Variants in CELF2 observed in about 807,000 individuals in gnomAD.
The protein encoded by CELF2 is CUGBP Elav-like family member 2.
CELF2 carries 8 observed loss-of-function variants against 62.6 expected under a neutral mutation model. That is an observed-to-expected ratio of 0.13 (90% CI 0.07 to 0.23). The LOEUF is 0.23. Among genes scored for constraint, CELF2 ranks in the 10% least tolerant of loss-of-function variants. The pLI is 1.00. For synonymous variants in CELF2, 258 were observed against 250.0 expected, an observed-to-expected ratio of 1.03 and a Z score of -0.30; for missense variants, 333 against 671.0, an observed-to-expected ratio of 0.50 and a Z score of 5.56.
In CELF2 at chr10:11,270,727, G is replaced by A. The variant is rs370615928; in HGVS notation, c.680G>A (p.Arg227His). ...ACTCAGAAGGACAAAGAGCAAAGGC[G>A]CCTCCAGCAGCAGCTCGCTCAGCAG... ...ADTQKDKEQR[R>H]LQQQLAQQMQ... The change falls in exon 7 of 13, where the codon CGC becomes CAC. Residue 227 changes from arginine (R) to histidine (H), a missense_variant. Arg to His is a conservative substitution (Grantham distance 29). This residue lies in a region of CELF2 where 253 missense variants were observed against 503.0 expected (regional missense o/e 0.50). Coordinates refer to ENST00000633077, the MANE Select transcript of CELF2 (RefSeq NM_001326342.2). The surrounding 1 kb of genome is among the most constrained non-coding windows in gnomAD (Gnocchi z 5.8). The A allele has an allele frequency of 6.4e-6, 10 of 1,563,810 alleles. No homozygotes were observed. Among genetic ancestry groups the A allele is most frequent in the Admixed American group, 1.8e-5 (1 of 55,394 alleles).
intron 2 of CELF2, among the ~76,000 whole-genome samples, chr10:10,977,910 T>C (rs1280439874): frequency 6.6e-6 from 1 of 152,316 alleles, no homozygotes; most frequent in South Asian, 2.1e-4. Flanking sequence ...ATAAACATAA[T>C]ATGCACAAGA....
At chr10:10,688,533 T>C in the CELF2 span, among the ~76,000 whole-genome samples, 2 of 152,246 alleles carry the variant, frequency 1.3e-5, no homozygotes, top group African/African-American at 2.4e-5. Context: ...AGCTGATGCA[T>C]GTCCAGTACA....
the CELF2 span, among the ~76,000 whole-genome samples, chr10:10,619,864 G>A: frequency 6.6e-6 from 1 of 152,260 alleles, no homozygotes; most frequent in Admixed American, 6.5e-5. Context: ...GAAGAAGGGG[G>A]TTTTGGCTTG....
rs1219476974 is a variant in CELF2 at position 11,334,504 on chromosome 10, T to TG, written c.*5455dup. 6.5e-6 allele frequency: 1 copy of TG among 152,678 alleles called. No homozygotes were observed. The highest frequency in any genetic ancestry group is 2.4e-5 in the African/African-American group (1 of 41,472). 9.5% of individuals were successfully genotyped at this position (152,678 alleles called of 1,614,324 possible). ...ATTCCACTTAAGTGAATATCTGATT[T>TG]GGGGAAGAGGAAACTGCACAGCAGC... On this transcript the variant is annotated 3_prime_UTR_variant, in exon 13 of 13. Transcript: ENST00000633077.
chr10:11,134,322 G>GT (rs1405517050), intron 1 of CELF2, among the ~76,000 whole-genome samples: 2 of 152,232 alleles, frequency 1.3e-5, no homozygotes, highest in African/African-American at 4.8e-5. Context: ...TTTGGATTCT[G>GT]TAGTTGCGCA....
chr10:10,655,013 C>T, the CELF2 span, among the ~76,000 whole-genome samples: 1 of 146,986 alleles, frequency 6.8e-6, no homozygotes, highest in Non-Finnish European at 1.5e-5. Flanking sequence ...TAAGCAACTT[C>T]AGCAAAGTCT....
At chr10:11,229,941 A>T (rs1050005296) in intron 3 of CELF2, among the ~76,000 whole-genome samples, 2 of 152,100 alleles carry the variant, frequency 1.3e-5, no homozygotes, top group African/African-American at 2.4e-5. Context: ...AAGTTTTAGA[A>T]CTTCTGTTAA....
At chr10:10,657,817 A>G in the CELF2 span, among the ~76,000 whole-genome samples, 1 of 152,188 alleles carries the variant, frequency 6.6e-6, no homozygotes, top group Non-Finnish European at 1.5e-5. Flanking sequence ...TCATTATAAT[A>G]TGCTTTATGT....
chr10:10,720,497 C>A, the CELF2 span, among the ~76,000 whole-genome samples: 1 of 152,172 alleles, frequency 6.6e-6, no homozygotes, highest in African/African-American at 2.4e-5. Flanking sequence ...ACTCATTTCT[C>A]CACCTTTATC....
At position 11,260,244 on chromosome 10, in the gene CELF2, G is replaced by A. The variant is rs2080088192; in HGVS notation, c.538+2372G>A. On this transcript the variant is annotated intron_variant, in intron 5 of 12. Transcript: ENST00000633077. This position sits in a 1 kb window ranked among gnomAD's most constrained non-coding sequence, Gnocchi z 4.2. ...TCGTCTGAGCATACCCTCTGCATGT[G>A]TTAGCGGAGAGACCCCGGGCGGGCA... is the stretch of plus-strand genomic sequence containing the variant. Among the ~76,000 whole-genome samples, 2 of 152,188 alleles carry A rather than the reference G, an allele frequency of 1.3e-5. No homozygotes were observed. Among genetic ancestry groups the A allele is most frequent in the Admixed American group, 1.3e-4 (2 of 15,284 alleles).
At chr10:10,597,982 C>T in the CELF2 span, among the ~76,000 whole-genome samples, 7,171 of 152,186 alleles carry the variant, frequency 0.047, 563 homozygotes, top group African/African-American at 0.16. Flanking sequence ...AGTCTAAGGA[C>T]ACTACCTCTT....
the CELF2 span, among the ~76,000 whole-genome samples, chr10:10,648,090 TGAAAGTATACGATTTTATCC>T: frequency 1.6e-4 from 24 of 152,296 alleles, no homozygotes; most frequent in South Asian, 1.4e-3. Context: ...TCAGGATATA[TGAAAGTATACGATTTTATCC>T]ACTGCCCACC....
the CELF2 span, among the ~76,000 whole-genome samples, chr10:10,778,228 A>G: frequency 4.6e-5 from 7 of 152,206 alleles, no homozygotes; most frequent in African/African-American, 1.7e-4. Flanking sequence ...CGCAGATTCA[A>G]TGACCCAAGA....
At chr10:10,712,930 A>C in the CELF2 span, among the ~76,000 whole-genome samples, 1 of 152,200 alleles carries the variant, frequency 6.6e-6, no homozygotes, top group Non-Finnish European at 1.5e-5. Flanking sequence ...AAAGCTTGAA[A>C]TCCTCTGCTC....
In CELF2 at chr10:11,269,928, G is replaced by A. The variant is rs750728210; in HGVS notation, c.619-738G>A. ...GGAAAGAAGCCAAGTGGACTCCTCC[G>A]TCTGCTGTTCACGGTCTATCTTCTT... On this transcript the variant is annotated intron_variant, in intron 6 of 12. Coordinates refer to ENST00000633077, the MANE Select transcript of CELF2 (RefSeq NM_001326342.2). The surrounding 1 kb of genome is among the most constrained non-coding windows in gnomAD (Gnocchi z 4.4). Among the ~76,000 whole-genome samples the A allele has an allele frequency of 3.9e-5, 6 of 152,194 alleles. No individual in the cohort carries two copies. The highest frequency in any genetic ancestry group is 1.9e-4 in the East Asian group (1 of 5,196).
At chr10:10,867,244 G>A (rs1389833007) in intron 1 of CELF2, among the ~76,000 whole-genome samples, 1 of 152,186 alleles carries the variant, frequency 6.6e-6, no homozygotes, top group South Asian at 2.1e-4. Context: ...TGCACAGTGG[G>A]CTCCCCCAGG....
chr10:10,839,560 C>T (rs1402311945), intron 1 of CELF2, among the ~76,000 whole-genome samples: 1 of 152,170 alleles, frequency 6.6e-6, no homozygotes, highest in South Asian at 2.1e-4. Context: ...CTTCTTTCGC[C>T]CTTGGCCTTA....
chr10:11,068,569 T>A (rs2068781038), intron 1 of CELF2, among the ~76,000 whole-genome samples: 1 of 151,948 alleles, frequency 6.6e-6, no homozygotes. Context: ...TTATTTCTGT[T>A]TTTTTTTTTG....
Position 11,306,764 on chromosome 10 carries a change from C to A in CELF2, c.977-7375C>A, listed in dbSNP as rs537176747. ...TCTCCCTCCTTTTCTTCACCGTCTC[C>A]CCAACTTTCTACTGGGACCGTCTAA... On this transcript the variant is annotated intron_variant, in intron 9 of 12. Transcript: ENST00000633077. This position sits in a 1 kb window ranked among gnomAD's most constrained non-coding sequence, Gnocchi z 4.4. Among the ~76,000 whole-genome samples the A allele has an allele frequency of 2.0e-5, 3 of 152,172 alleles. 1 individual carries two copies. The highest frequency in any genetic ancestry group is 7.2e-5 in the African/African-American group (3 of 41,512).
Sources: gnomAD v4.1 joint callset for allele counts (sites outside exome capture counted in the v4.1 genomes callset) on GRCh38, gnomAD v4.1.1 for gene constraint, gnomAD v4.1.1 regional missense constraint, Gnocchi (gnomAD v3.1) non-coding constraint, MANE v1.5 for transcripts, NCBI Gene and HGNC (gene_info 2026-07-23, HGNC 2026-07-21) for gene names.